The following ZMAT4 variants were observed in gnomAD, a reference collection of about 807,000 sequenced individuals.
The protein encoded by ZMAT4 is zinc finger matrin-type 4.
ZMAT4 carries 17 observed loss-of-function variants against 28.7 expected under a neutral mutation model. That is an observed-to-expected ratio of 0.59 (90% CI 0.41 to 0.89). ZMAT4 has a LOEUF of 0.89. Ranked by LOEUF, ZMAT4 falls within the 40% of genes least tolerant of loss-of-function variation. ZMAT4 has a pLI of 0.00. For missense variants in ZMAT4, 240 were observed against 283.8 expected, an observed-to-expected ratio of 0.85 and a Z score of 1.11; for synonymous variants, 117 against 109.2, an observed-to-expected ratio of 1.07 and a Z score of -0.44.
At chr8:40,745,503 C>T (rs923799849) in intron 3 of ZMAT4, among the ~76,000 whole-genome samples, 6 of 151,954 alleles carry the variant, frequency 3.9e-5, no homozygotes, top group African/African-American at 1.2e-4. Context: ...AAACAATAGA[C>T]TTAGGCTTAT....
chr8:40,602,139 T>C (rs1273677041), intron 5 of ZMAT4, among the ~76,000 whole-genome samples: 1 of 152,336 alleles, frequency 6.6e-6, no homozygotes, highest in East Asian at 1.9e-4. Context: ...CCTGAATTAC[T>C]TCACTTAGAA....
chr8:40,695,046 A>G (rs1302670054), intron 4 of ZMAT4, among the ~76,000 whole-genome samples: 1 of 152,200 alleles, frequency 6.6e-6, no homozygotes, highest in Non-Finnish European at 1.5e-5. Context: ...TCTGTCCAAC[A>G]GCATTAGATC....
intron 3 of ZMAT4, among the ~76,000 whole-genome samples, chr8:40,751,092 T>C (rs1400565928): frequency 6.6e-6 from 1 of 152,196 alleles, no homozygotes; most frequent in Non-Finnish European, 1.5e-5. Context: ...GTCTTCCAGA[T>C]AAGAACTTCC....
intron 5 of ZMAT4, among the ~76,000 whole-genome samples, chr8:40,623,203 A>T (rs2118697636): frequency 6.6e-6 from 1 of 152,292 alleles, no homozygotes; most frequent in Non-Finnish European, 1.5e-5. Flanking sequence ...GAAAGTCACT[A>T]GATGTAACAG....
At chr8:40,636,372 C>T (rs1457034041) in intron 5 of ZMAT4, among the ~76,000 whole-genome samples, 1 of 152,174 alleles carries the variant, frequency 6.6e-6, no homozygotes, top group Non-Finnish European at 1.5e-5. Flanking sequence ...TGACATTGAG[C>T]CAAAGAGTTG....
intron 3 of ZMAT4, among the ~76,000 whole-genome samples, chr8:40,759,263 C>T (rs1328234584): frequency 2.7e-5 from 3 of 110,738 alleles, no homozygotes; most frequent in South Asian, 3.5e-4. Context: ...GCCTAGGCAA[C>T]AGAGAGAGAC....
At chr8:40,647,208 G>A (rs1807365072) in intron 5 of ZMAT4, among the ~76,000 whole-genome samples, 1 of 152,194 alleles carries the variant, frequency 6.6e-6, no homozygotes, top group Non-Finnish European at 1.5e-5. Flanking sequence ...GCGCAGGTCA[G>A]TGGGTGCGCC....
chr8:40,560,676 C>A (rs1010148442), intron 6 of ZMAT4, among the ~76,000 whole-genome samples: 1 of 152,074 alleles, frequency 6.6e-6, no homozygotes, highest in Non-Finnish European at 1.5e-5. Context: ...GGACAGCCAG[C>A]CACTTATGCA....
intron 5 of ZMAT4, among the ~76,000 whole-genome samples, chr8:40,653,396 GA>G (rs1270016680): frequency 6.6e-6 from 1 of 151,376 alleles, no homozygotes; most frequent in Non-Finnish European, 1.5e-5. Context: ...CAGAAGGAAG[GA>G]AATAATACAT....
intron 2 of ZMAT4, among the ~76,000 whole-genome samples, chr8:40,783,248 G>A (rs1563481259): frequency 6.6e-6 from 1 of 152,206 alleles, no homozygotes. Flanking sequence ...TCTCACACAT[G>A]CTACAACATG....
At chr8:40,645,286 T>C (rs897077223) in intron 5 of ZMAT4, among the ~76,000 whole-genome samples, 1 of 152,024 alleles carries the variant, frequency 6.6e-6, no homozygotes, top group Admixed American at 6.6e-5. Flanking sequence ...AAATAAGACA[T>C]GGATAGGAAT....
intron 1 of ZMAT4, among the ~76,000 whole-genome samples, chr8:40,886,878 GC>G (rs11331190): frequency 0.23 from 35,083 of 152,070 alleles, 4,120 homozygotes; most frequent in Admixed American, 0.25. Flanking sequence ...GATTTAAAAA[GC>G]CCAGTTTTGA....
chr8:40,630,831 A>T (rs369611264), intron 5 of ZMAT4, among the ~76,000 whole-genome samples: 1 of 152,246 alleles, frequency 6.6e-6, no homozygotes, highest in African/African-American at 2.4e-5. Flanking sequence ...AATAAGAGCC[A>T]CATGTGTAAT....
intron 6 of ZMAT4, among the ~76,000 whole-genome samples, chr8:40,543,645 T>A (rs374396017): frequency 6.6e-6 from 1 of 152,104 alleles, no homozygotes; most frequent in East Asian, 1.9e-4. Context: ...AATCTCTAAA[T>A]TAAGAAGACA....
chr8:40,668,110 G>C (rs563341508), intron 5 of ZMAT4, among the ~76,000 whole-genome samples: 1 of 152,058 alleles, frequency 6.6e-6, no homozygotes, highest in East Asian at 1.9e-4. Flanking sequence ...GGGAAGGTTC[G>C]ATAATAGGAG....
chr8:40,751,897 T>C (rs1701516241), intron 3 of ZMAT4, among the ~76,000 whole-genome samples: 1 of 152,144 alleles, frequency 6.6e-6, no homozygotes, highest in Admixed American at 6.5e-5. Context: ...CAACCCCCCC[T>C]GTGCAAAATG....
intron 3 of ZMAT4, among the ~76,000 whole-genome samples, chr8:40,738,456 C>T (rs367563959): frequency 8.5e-5 from 13 of 152,088 alleles, no homozygotes; most frequent in African/African-American, 2.4e-4. Context: ...AGCATAAAGG[C>T]TAAAACAGCT....
At chr8:40,884,687 C>T (rs1818395463) in intron 1 of ZMAT4, 1 of 152,308 alleles carries the variant, frequency 6.6e-6, no homozygotes, top group Non-Finnish European at 1.5e-5. Flanking sequence ...TCTGAAGCAA[C>T]CTCCTCTCCT....
chr8:40,879,372 G>A (rs926727964), intron 1 of ZMAT4, among the ~76,000 whole-genome samples: 1 of 152,210 alleles, frequency 6.6e-6, no homozygotes, highest in Non-Finnish European at 1.5e-5. Context: ...GCAGTGAGCT[G>A]TGATCACACC....
Sources: gnomAD v4.1 joint callset for allele counts (sites outside exome capture counted in the v4.1 genomes callset) on GRCh38, gnomAD v4.1.1 for gene constraint, MANE v1.5 for transcripts, NCBI Gene and HGNC (gene_info 2026-07-23, HGNC 2026-07-21) for gene names.